KAT6B: variants seen among roughly 807,000 people sequenced by gnomAD.
The protein encoded by KAT6B is histone acetyltransferase KAT6B.
Under a neutral mutation model 187.5 loss-of-function variants are expected in KAT6B, and 10 were observed. The observed-to-expected ratio is 0.05, with a 90% CI of 0.03 to 0.09. The LOEUF is 0.09. Among genes scored for constraint, KAT6B ranks in the 10% least tolerant of loss-of-function variants. The pLI is 1.00. For missense variants in KAT6B, 1,952 were observed against 2,558.9 expected (o/e 0.76, Z 5.12); for synonymous variants, 861 against 926.8 (o/e 0.93, Z 1.29).
intron 3 of KAT6B, among the ~76,000 whole-genome samples, chr10:74,923,596 AG>A (rs565831927): frequency 3.7e-4 from 57 of 152,348 alleles, no homozygotes; most frequent in Admixed American, 1.2e-3. Flanking sequence ...GGAGCATTCC[AG>A]GCATGGAGAA....
At chr10:75,011,333 G>A (rs2134059684) in intron 13 of KAT6B, among the ~76,000 whole-genome samples, 1 of 152,224 alleles carries the variant, frequency 6.6e-6, no homozygotes, top group East Asian at 1.9e-4. Context: ...GGTTTGAACT[G>A]TGGAAAACTT....
At chr10:74,867,265 A>G (rs1038910211) in intron 3 of KAT6B, among the ~76,000 whole-genome samples, 3 of 152,054 alleles carry the variant, frequency 2.0e-5, no homozygotes, top group Non-Finnish European at 4.4e-5. Context: ...ATTATTATTG[A>G]TTTCTTACTC....
chr10:74,995,859 G>T (rs1046144376), intron 13 of KAT6B, among the ~76,000 whole-genome samples: 1 of 152,228 alleles, frequency 6.6e-6, no homozygotes, highest in African/African-American at 2.4e-5. Flanking sequence ...CCTTTCAGTT[G>T]TTAGGACTCT....
chr10:75,007,886 C>G (rs987517614), intron 13 of KAT6B, among the ~76,000 whole-genome samples: 1 of 152,114 alleles, frequency 6.6e-6, no homozygotes, highest in Non-Finnish European at 1.5e-5. Context: ...CAGTTTTCAC[C>G]TTGACTGCTT....
intron 3 of KAT6B, 40 bp from the exon 4 acceptor site, chr10:74,959,930 T>C: frequency 7.6e-7 from 1 of 1,310,514 alleles, no homozygotes; most frequent in Non-Finnish European, 1.1e-6. Context: ...ACTTTTGAAA[T>C]GGAAAAGTGA....
At chr10:74,903,262 T>C (rs1404666000) in intron 3 of KAT6B, among the ~76,000 whole-genome samples, 1 of 152,140 alleles carries the variant, frequency 6.6e-6, no homozygotes, top group Non-Finnish European at 1.5e-5. Context: ...TATTATATCT[T>C]CCCCTTTGAG....
At position 75,007,226 on chromosome 10, in the gene KAT6B, T is replaced by C. The variant is rs186879336; in HGVS notation, c.2630-13356T>C. 1.6e-4 allele frequency among the ~76,000 whole-genome samples: 25 copies of C among 152,298 alleles called. No individual in the cohort carries two copies. The East Asian group carries it at 1.9e-3, about 12-fold the overall frequency. On this transcript the variant is annotated intron_variant, in intron 13 of 17. Transcript: ENST00000287239. ...TCTATCTTCTGATCAAGGATATTTG[T>C]AGTCTTGCCAGTGGATGGAACCCAA...
At chr10:74,977,648 T>G (rs980473064) in intron 9 of KAT6B, among the ~76,000 whole-genome samples, 5 of 152,230 alleles carry the variant, frequency 3.3e-5, no homozygotes, top group African/African-American at 1.2e-4. Flanking sequence ...TGGACTCAGC[T>G]GGTCTCACAA....
chr10:74,942,052 A>C (rs1374973168), intron 3 of KAT6B, among the ~76,000 whole-genome samples: 1 of 152,184 alleles, frequency 6.6e-6, no homozygotes, highest in Admixed American at 6.5e-5. Flanking sequence ...CAGGAGGCTG[A>C]GGCAAGAGAA....
At chr10:74,908,335 G>C (rs1322777153) in intron 3 of KAT6B, among the ~76,000 whole-genome samples, 1 of 152,024 alleles carries the variant, frequency 6.6e-6, no homozygotes. Context: ...GGCCGAGGCG[G>C]GCAGATCACG....
chr10:74,936,228 C>G (rs570344394), intron 3 of KAT6B, among the ~76,000 whole-genome samples: 171 of 152,062 alleles, frequency 1.1e-3, no homozygotes, highest in Non-Finnish European at 1.8e-3. Flanking sequence ...TGGTGAAACC[C>G]TGTCTCTACC....
intron 3 of KAT6B, among the ~76,000 whole-genome samples, chr10:74,874,065 C>A (rs1844214240): frequency 1.3e-5 from 2 of 151,982 alleles, no homozygotes; most frequent in South Asian, 4.1e-4. Flanking sequence ...ATATAGCATG[C>A]CTTGTGTAAA....
intron 3 of KAT6B, among the ~76,000 whole-genome samples, chr10:74,883,215 C>T (rs944549187): frequency 6.6e-6 from 1 of 152,176 alleles, no homozygotes; most frequent in East Asian, 1.9e-4. Context: ...TCAGTAAAGT[C>T]AAGGTCAGTA....
At chr10:74,832,304 A>T (rs1197978628) in intron 1 of KAT6B, among the ~76,000 whole-genome samples, 1 of 152,170 alleles carries the variant, frequency 6.6e-6, no homozygotes, top group African/African-American at 2.4e-5. Context: ...TCTCTCTTTC[A>T]AAAGAATCAT....
intron 13 of KAT6B, chr10:75,002,915 A>G (rs1843950915): frequency 6.6e-6 from 1 of 152,228 alleles, no homozygotes; most frequent in Non-Finnish European, 1.5e-5. Flanking sequence ...GGCGCTTAGT[A>G]GGTTCTTATT....
chr10:74,883,503 A>C (rs1433251407), intron 3 of KAT6B, among the ~76,000 whole-genome samples: 2 of 152,118 alleles, frequency 1.3e-5, no homozygotes, highest in African/African-American at 4.8e-5. Flanking sequence ...TATTTTACAG[A>C]TGTATTTCCT....
chr10:74,895,632 C>T (rs577582656), intron 3 of KAT6B, among the ~76,000 whole-genome samples: 20 of 152,016 alleles, frequency 1.3e-4, no homozygotes, highest in Non-Finnish European at 1.9e-4. Context: ...CTTCACTTCC[C>T]GGGTTCAAGC....
chr10:74,991,603 G>A (rs1207761447), intron 13 of KAT6B, among the ~76,000 whole-genome samples: 1 of 152,204 alleles, frequency 6.6e-6, no homozygotes, highest in Non-Finnish European at 1.5e-5. Context: ...GATGTGAGCA[G>A]GCAAAGTAGT....
intron 3 of KAT6B, among the ~76,000 whole-genome samples, chr10:74,954,311 G>A (rs1055112801): frequency 6.6e-6 from 1 of 152,206 alleles, no homozygotes; most frequent in African/African-American, 2.4e-5. Context: ...GTTTTCCTGG[G>A]CTGGGGGAAG....
Sources: gnomAD v4.1 joint callset for allele counts (sites outside exome capture counted in the v4.1 genomes callset) on GRCh38, gnomAD v4.1.1 for gene constraint, MANE v1.5 for transcripts, NCBI Gene and HGNC (gene_info 2026-07-23, HGNC 2026-07-21) for gene names.